Variants in ANKS1B observed in about 807,000 individuals in gnomAD.
ANKS1B encodes the protein ankyrin repeat and sterile alpha motif domain containing 1B, also known as ankyrin repeat and sterile alpha motif domain-containing protein 1B.
Under a neutral mutation model 148.3 loss-of-function variants are expected in ANKS1B, and 36 were observed. The ratio of observed to expected loss-of-function variants is 0.24; its 90% confidence interval spans 0.19 to 0.32. The LOEUF is 0.32. Ranked by LOEUF, ANKS1B falls within the 10% of genes least tolerant of loss-of-function variation. ANKS1B has a pLI of 1.00. For missense variants in ANKS1B, 1,157 were observed against 1,542.6 expected (o/e 0.75, Z 4.19); for synonymous variants, 542 against 560.8 (o/e 0.97, Z 0.47).
rs1021206274 is a variant in ANKS1B at position 99,608,168 on chromosome 12, G to A, written c.1272+46899C>T. Among the ~76,000 whole-genome samples, 7 of 152,202 alleles carry A rather than the reference G, an allele frequency of 4.6e-5. No homozygotes were observed. In the South Asian group the frequency reaches 1.0e-3, roughly 23 times the overall value. On this transcript the variant is annotated intron_variant, in intron 9 of 26. Coordinates refer to ENST00000683438, the MANE Select transcript of ANKS1B (RefSeq NM_001352186.2). ...GCATGGGCATTTTCTTGAGGCTAGT[G>A]TGTAACCTAATGTCAATTAGCCCAT...
At chr12:99,639,670 G>A (rs567294796) in intron 9 of ANKS1B, among the ~76,000 whole-genome samples, 1 of 152,204 alleles carries the variant, frequency 6.6e-6, no homozygotes, top group African/African-American at 2.4e-5. Context: ...TTTAAAAGGG[G>A]CATTTCCCCC....
At chr12:98,956,721 T>C (rs2099862783) in intron 17 of ANKS1B, among the ~76,000 whole-genome samples, 1 of 152,152 alleles carries the variant, frequency 6.6e-6, no homozygotes, top group Non-Finnish European at 1.5e-5. Flanking sequence ...AACCTGGTTG[T>C]CTTCCTTCCT....
chr12:99,508,493 A>G (rs1271851502), intron 9 of ANKS1B, among the ~76,000 whole-genome samples: 2 of 151,434 alleles, frequency 1.3e-5, no homozygotes, highest in Non-Finnish European at 3.0e-5. Context: ...TATTCTGTAA[A>G]TCTTATTAAA....
chr12:98,940,369 G>A (rs74351755), intron 17 of ANKS1B, among the ~76,000 whole-genome samples: 2 of 152,220 alleles, frequency 1.3e-5, no homozygotes, highest in Non-Finnish European at 2.9e-5. Flanking sequence ...CTGTGAGGAG[G>A]GGGGTGCAGA....
intron 19 of ANKS1B, among the ~76,000 whole-genome samples, chr12:98,824,091 A>T (rs1413464809): frequency 6.6e-6 from 1 of 152,170 alleles, no homozygotes; most frequent in Non-Finnish European, 1.5e-5. Flanking sequence ...CTCTCACTTG[A>T]TATTTTATCT....
intron 17 of ANKS1B, among the ~76,000 whole-genome samples, chr12:98,994,280 T>C (rs866709809): frequency 6.6e-6 from 1 of 152,188 alleles, no homozygotes; most frequent in Middle Eastern, 3.2e-3. Flanking sequence ...TAGGGATACT[T>C]CTTGTTTTAG....
chr12:99,084,425 A>T (rs114884024), intron 16 of ANKS1B, among the ~76,000 whole-genome samples: 2,677 of 152,164 alleles, frequency 0.018, 73 homozygotes, highest in African/African-American at 0.055. Flanking sequence ...TTTCTAGGTA[A>T]ATCTCAAGCT....
intron 14 of ANKS1B, among the ~76,000 whole-genome samples, chr12:99,230,278 T>G (rs567986043): frequency 6.6e-6 from 1 of 152,202 alleles, no homozygotes; most frequent in South Asian, 2.1e-4. Context: ...CTTGAGTGTC[T>G]CAGTGATAGA....
chr12:99,928,272 T>TTTA (rs2094522691), intron 1 of ANKS1B, among the ~76,000 whole-genome samples: 2 of 91,656 alleles, frequency 2.2e-5, no homozygotes, highest in Non-Finnish European at 5.0e-5. Flanking sequence ...TTTTATTTTA[T>TTTA]TTTTTTTTTT....
At chr12:98,934,355 G>A (rs1371460698) in intron 17 of ANKS1B, among the ~76,000 whole-genome samples, 1 of 152,026 alleles carries the variant, frequency 6.6e-6, no homozygotes, top group African/African-American at 2.4e-5. Flanking sequence ...TAGCCTATAT[G>A]TCTGTTTTTA....
At chr12:99,704,564 A>C (rs1445362250) in intron 8 of ANKS1B, among the ~76,000 whole-genome samples, 1 of 145,056 alleles carries the variant, frequency 6.9e-6, no homozygotes, top group African/African-American at 2.5e-5. Context: ...ATGCATACAC[A>C]TACATATACA....
intron 1 of ANKS1B, among the ~76,000 whole-genome samples, chr12:99,917,989 G>C (rs1353569919): frequency 6.6e-6 from 1 of 152,228 alleles, no homozygotes; most frequent in African/African-American, 2.4e-5. Context: ...TGTGAACTAT[G>C]CATGCAAGGG....
At chr12:99,177,997 A>G (rs1226326058) in intron 14 of ANKS1B, among the ~76,000 whole-genome samples, 1 of 152,258 alleles carries the variant, frequency 6.6e-6, no homozygotes, top group Non-Finnish European at 1.5e-5. Flanking sequence ...CAACAGATCC[A>G]TTCCTTCCAT....
At chr12:98,929,071 CAA>C in intron 17 of ANKS1B, among the ~76,000 whole-genome samples, 1 of 151,060 alleles carries the variant, frequency 6.6e-6, no homozygotes, top group Admixed American at 6.6e-5. Flanking sequence ...CACACACACA[CAA>C]GTTCAGCGAG....
chr12:98,738,790 C>T (rs1334958813), intron 9 of ANKS1B, among the ~76,000 whole-genome samples: 2 of 152,150 alleles, frequency 1.3e-5, no homozygotes, highest in African/African-American at 2.4e-5. Context: ...GTTTCACTAG[C>T]TGGGGAAAGT....
chr12:99,399,844 A>G (rs773694696), intron 11 of ANKS1B, 33 bp from the exon 12 acceptor site: 2 of 1,607,056 alleles, frequency 1.2e-6, no homozygotes, highest in Non-Finnish European at 1.7e-6. Context: ...GAGTATTAAT[A>G]TGATCATGTT....
Position 98,805,940 on chromosome 12 carries a change from C to T in ANKS1B, c.3141+1904G>A, listed in dbSNP as rs375968381. On this transcript the variant is annotated intron_variant, in intron 20 of 26. Coordinates refer to ENST00000683438, the MANE Select transcript of ANKS1B (RefSeq NM_001352186.2). ...AGGCTGGAGTGCGATGGCACAATCT[C>T]GGTTCATTGCAACCTCCGCTTCCTA... is the stretch of plus-strand genomic sequence containing the variant. Among the ~76,000 whole-genome samples the T allele has an allele frequency of 6.4e-4, 97 of 152,316 alleles. No individual in the cohort carries two copies. The Middle Eastern group carries it at 0.017, about 27-fold the overall frequency.
chr12:99,278,494 AAAG>A (rs1214590697), intron 12 of ANKS1B, among the ~76,000 whole-genome samples: 1 of 152,182 alleles, frequency 6.6e-6, no homozygotes, highest in South Asian at 2.1e-4. Flanking sequence ...ACATAGGAAA[AAAG>A]AAGTTCCCCA....
intron 12 of ANKS1B, among the ~76,000 whole-genome samples, chr12:99,374,772 T>C (rs1428196288): frequency 1.3e-5 from 2 of 152,164 alleles, no homozygotes; most frequent in Non-Finnish European, 2.9e-5. Context: ...CACATCTTCT[T>C]TGTGTTTCTG....
Sources: gnomAD v4.1 joint callset for allele counts (sites outside exome capture counted in the v4.1 genomes callset) on GRCh38, gnomAD v4.1.1 for gene constraint, MANE v1.5 for transcripts, NCBI Gene and HGNC (gene_info 2026-07-23, HGNC 2026-07-21) for gene names.